The following NDC80 variants were observed in gnomAD, a reference collection of about 807,000 sequenced individuals.
NDC80 encodes kinetochore protein NDC80 homolog.
NDC80 carries 69 observed loss-of-function variants against 89.3 expected under a neutral mutation model. The observed-to-expected ratio is 0.77, with a 90% CI of 0.64 to 0.94. The LOEUF is 0.94. Among genes scored for constraint, NDC80 ranks in the 40% least tolerant of loss-of-function variants. The pLI, the probability that NDC80 is intolerant of heterozygous loss-of-function variation, is 0.00. For missense variants in NDC80, 593 were observed against 739.6 expected, an observed-to-expected ratio of 0.80 and a Z score of 2.30; for synonymous variants, 243 against 255.6, an observed-to-expected ratio of 0.95 and a Z score of 0.47.
At chr18:2,614,033 A>C (rs893437786) in intron 16 of NDC80, among the ~76,000 whole-genome samples, 1 of 152,360 alleles carries the variant, frequency 6.6e-6, no homozygotes, top group African/African-American at 2.4e-5. Context: ...TCCACACTTA[A>C]GAAATTGGCA....
chr18:2,601,535 A>G, intron 13 of NDC80, 50 bp downstream of exon 13: 5 of 852,396 alleles, frequency 5.9e-6, no homozygotes, highest in Non-Finnish European at 8.5e-6. Context: ...TAGATTTTAA[A>G]ACCTAAAATT....
At chr18:2,592,358 G>GT (rs568473370) in intron 10 of NDC80, among the ~76,000 whole-genome samples, 17,320 of 140,522 alleles carry the variant, frequency 0.12, 1,557 homozygotes, top group African/African-American at 0.25. Flanking sequence ...GTTTTATTTT[G>GT]TTTTTTTTTT....
At chr18:2,596,692 T>C (rs368543965) in intron 11 of NDC80, among the ~76,000 whole-genome samples, 3 of 151,878 alleles carry the variant, frequency 2.0e-5, no homozygotes, top group African/African-American at 4.8e-5. Context: ...ACCCAAAGGA[T>C]TATAAATCAT....
At chr18:2,581,424 G>T (rs556993674) in intron 6 of NDC80, among the ~76,000 whole-genome samples, 1 of 152,304 alleles carries the variant, frequency 6.6e-6, no homozygotes, top group African/African-American at 2.4e-5. Context: ...ACTTTGGGAG[G>T]CTGAGGCAGG....
intron 10 of NDC80, 140 bp downstream of exon 10, chr18:2,590,302 G>A (rs531375653): frequency 1.4e-5 from 12 of 861,628 alleles, no homozygotes; most frequent in Middle Eastern, 2.5e-4. Flanking sequence ...AGTGTGTTTC[G>A]TATTTGTTTC....
At position 2,585,653 on chromosome 18, in the gene NDC80, C is replaced by T. The variant is rs577793236; in HGVS notation, c.669+451C>T. ...ATTCTTCTGTAGAGTTGTTTTTTTG[C>T]TTCCTGAAAACATTATAAATTTGTT... is the stretch of plus-strand genomic sequence containing the variant. On this transcript the variant is annotated intron_variant, in intron 7 of 16. Transcript: ENST00000261597. 4.8e-4 allele frequency among the ~76,000 whole-genome samples: 73 copies of T among 151,938 alleles called. No homozygotes were observed. The South Asian group carries it at 8.5e-3, about 18-fold the overall frequency.
chr18:2,582,050 GGTTTTTT>G (rs1398980046), intron 6 of NDC80: 3 of 100,346 alleles, frequency 3.0e-5, no homozygotes, highest in Non-Finnish European at 6.0e-5. Context: ...GTTCTATGGT[GGTTTTTT>G]GTTTGTTTGT....
chr18:2,615,598 A>C (rs140376061), intron 16 of NDC80, among the ~76,000 whole-genome samples: 103 of 152,392 alleles, frequency 6.8e-4, no homozygotes, highest in African/African-American at 2.4e-3. Context: ...TATGTAAGCT[A>C]ATAGTCACAG....
chr18:2,578,198 T>G (rs1291185572), intron 5 of NDC80, 57 bp downstream of exon 5: 3 of 1,488,674 alleles, frequency 2.0e-6, no homozygotes, highest in Non-Finnish European at 2.7e-6. Flanking sequence ...ATGAAACAAA[T>G]TAAATCAATT....
At chr18:2,578,844 T>A in intron 5 of NDC80, 83 bp from the exon 6 acceptor site, 1 of 814,798 alleles carries the variant, frequency 1.2e-6, no homozygotes, top group Non-Finnish European at 1.7e-6. Flanking sequence ...TGGAATTTTT[T>A]AAATGTAACT....
At chr18:2,596,891 T>G (rs1486633324) in intron 11 of NDC80, among the ~76,000 whole-genome samples, 1 of 151,468 alleles carries the variant, frequency 6.6e-6, no homozygotes, top group Admixed American at 6.6e-5. Context: ...ATGGATGAAA[T>G]TGGAAATCAT....
intron 8 of NDC80, among the ~76,000 whole-genome samples, chr18:2,588,641 A>G (rs563160581): frequency 6.0e-4 from 91 of 152,324 alleles, no homozygotes; most frequent in African/African-American, 2.1e-3. Context: ...GCATTCCCTT[A>G]TAGTCCCCTG....
At chr18:2,604,667 T>A (rs2072701106) in intron 13 of NDC80, among the ~76,000 whole-genome samples, 1 of 152,102 alleles carries the variant, frequency 6.6e-6, no homozygotes, top group Non-Finnish European at 1.5e-5. Flanking sequence ...GGTGACAAAG[T>A]GAGACCCTTT....
chr18:2,588,239 G>A (rs77551581), intron 8 of NDC80, among the ~76,000 whole-genome samples: 1,698 of 152,226 alleles, frequency 0.011, 12 homozygotes, highest in Non-Finnish European at 0.016. Flanking sequence ...GCTACCAGAA[G>A]CATAGACAAT....
chr18:2,585,817 G>A (rs924349024), intron 7 of NDC80, among the ~76,000 whole-genome samples: 5 of 152,072 alleles, frequency 3.3e-5, no homozygotes, highest in Admixed American at 1.3e-4. Flanking sequence ...TGTTATAGAC[G>A]TAATGTTTCT....
intron 5 of NDC80, 84 bp downstream of exon 5, chr18:2,578,225 T>C (rs533655406): frequency 7.4e-7 from 1 of 1,344,168 alleles, no homozygotes; most frequent in Admixed American, 2.1e-5. Flanking sequence ...AAGTTTGAGT[T>C]ACAGAAATAA....
chr18:2,591,003 G>T (rs1228611166), intron 10 of NDC80, among the ~76,000 whole-genome samples: 3 of 151,382 alleles, frequency 2.0e-5, no homozygotes, highest in Non-Finnish European at 4.4e-5. Flanking sequence ...CTCCCACGTA[G>T]CTGGGACTAT....
rs1295409519 is a variant in NDC80, at chr18:2,584,302, AT to A, written c.580-810del. 7.7e-4 allele frequency among the ~76,000 whole-genome samples: 116 copies of A among 150,918 alleles called. 1 individual carries two copies. Among genetic ancestry groups the A allele is most frequent in the African/African-American group, 2.6e-3 (107 of 40,974 alleles). ...GACTCCGTCTCAAAAAAAAAAAAAAATACATATTTATATCTAGATATCTCTA... is the reference window on the plus strand; with the variant it reads ...GACTCCGTCTCAAAAAAAAAAAAAAAACATATTTATATCTAGATATCTCTA... On this transcript the variant is annotated intron_variant, in intron 6 of 16. Coordinates refer to ENST00000261597, the MANE Select transcript of NDC80 (RefSeq NM_006101.3).
At chr18:2,587,490 T>A (rs1405632016) in intron 7 of NDC80, among the ~76,000 whole-genome samples, 2 of 152,210 alleles carry the variant, frequency 1.3e-5, no homozygotes, top group African/African-American at 4.8e-5. Context: ...CTAAAGATGA[T>A]TAAGTTTGTG....
Sources: allele counts gnomAD v4.1 joint callset (sites outside exome capture counted in the v4.1 genomes callset), GRCh38; gene constraint gnomAD v4.1.1; transcripts MANE v1.5; gene names NCBI Gene and HGNC (gene_info 2026-07-23, HGNC 2026-07-21).